BABAM2: variants seen among roughly 807,000 people sequenced by gnomAD.
The protein encoded by BABAM2 is BRISC and BRCA1-A complex member 2.
BABAM2 carries 31 observed loss-of-function variants against 54.7 expected under a neutral mutation model. That is an observed-to-expected ratio of 0.57 (90% CI 0.43 to 0.77). The LOEUF (loss-of-function observed/expected upper bound fraction) is 0.77. Ranked by LOEUF, BABAM2 falls within the 30% of genes least tolerant of loss-of-function variation. BABAM2 has a pLI of 0.00. For synonymous variants in BABAM2, 167 were observed against 162.9 expected, an observed-to-expected ratio of 1.03 and a Z score of -0.19; for missense variants, 364 against 455.8, an observed-to-expected ratio of 0.80 and a Z score of 1.83.
intron 11 of BABAM2, among the ~76,000 whole-genome samples, chr2:28,335,366 C>T (rs1197082357): frequency 1.3e-5 from 2 of 152,088 alleles, no homozygotes; most frequent in African/African-American, 4.8e-5. Flanking sequence ...GACGGGGTTT[C>T]GCCATGTTGG....
At chr2:28,267,727 G>C (rs1422746157) in intron 10 of BABAM2, among the ~76,000 whole-genome samples, 1 of 152,220 alleles carries the variant, frequency 6.6e-6, no homozygotes. Flanking sequence ...AGGGGCCATA[G>C]GGGTCAGGCC....
At chr2:28,066,473 C>T (rs578019282) in intron 6 of BABAM2, among the ~76,000 whole-genome samples, 6 of 152,138 alleles carry the variant, frequency 3.9e-5, no homozygotes, top group Admixed American at 6.5e-5. Flanking sequence ...CTGCATAATA[C>T]GTTACTCGAC....
chr2:28,325,729 C>T lies in BABAM2; in HGVS notation c.1089-12721C>T, dbSNP rs536456538. Among the ~76,000 whole-genome samples the T allele has an allele frequency of 2.4e-4, 36 of 152,196 alleles. No individual in the cohort carries two copies. Among genetic ancestry groups the T allele is most frequent in the Admixed American group, 3.9e-4 (6 of 15,284 alleles). ...TGCCCCTCCCCCACATCCTCAAACA[C>T]CCAGCCAGGGGGGTGAATGTCCCAG... On this transcript the variant is annotated intron_variant, in intron 11 of 11. Transcript: ENST00000379624. The surrounding 1 kb of genome is among the most constrained non-coding windows in gnomAD (Gnocchi z 4.3).
intron 3 of BABAM2, among the ~76,000 whole-genome samples, chr2:27,961,578 G>T (rs951408870): frequency 6.6e-6 from 1 of 152,092 alleles, no homozygotes; most frequent in African/African-American, 2.4e-5. Context: ...CTTATGATGG[G>T]CTTACTGGGA....
chr2:28,006,163 C>T (rs1439524186), intron 4 of BABAM2, among the ~76,000 whole-genome samples: 3 of 151,970 alleles, frequency 2.0e-5, no homozygotes, highest in African/African-American at 7.2e-5. Flanking sequence ...AAAATTACCA[C>T]AGACTAGATT....
At chr2:28,020,926 A>G (rs528428998) in intron 4 of BABAM2, among the ~76,000 whole-genome samples, 2 of 148,494 alleles carry the variant, frequency 1.3e-5, no homozygotes, top group Admixed American at 1.4e-4. Context: ...TTGAGAATAA[A>G]CATTTCTAAG....
chr2:28,164,194 T>A (rs1673395700), intron 7 of BABAM2, among the ~76,000 whole-genome samples: 1 of 152,172 alleles, frequency 6.6e-6, no homozygotes, highest in Non-Finnish European at 1.5e-5. Flanking sequence ...AATACAGTGT[T>A]GATGGAACCC....
At position 28,051,637 on chromosome 2, in the gene BABAM2, A is replaced by T. The variant is rs565242697; in HGVS notation, c.570+5838A>T. Among the ~76,000 whole-genome samples the T allele has an allele frequency of 4.6e-5, 7 of 152,010 alleles. No individual in the cohort carries two copies. The South Asian group carries it at 1.5e-3, about 32-fold the overall frequency. On this transcript the variant is annotated intron_variant, in intron 6 of 11. Transcript: ENST00000379624. ...AGAAGGACAACAGGAGCTCAGAGTCATAAAGGTCAAGGTGTGTTTTTTTTT... is the reference window on the plus strand; with the variant it reads ...AGAAGGACAACAGGAGCTCAGAGTCTTAAAGGTCAAGGTGTGTTTTTTTTT...
chr2:27,942,594 C>T (rs1359969226), intron 3 of BABAM2, among the ~76,000 whole-genome samples: 20 of 151,170 alleles, frequency 1.3e-4, no homozygotes, highest in African/African-American at 4.9e-4. Context: ...ATCTGAACTC[C>T]TGGGCTCAAG....
In BABAM2 at chr2:27,952,332, G is replaced by A. The variant is rs555344298; in HGVS notation, c.205+22424G>A. Among the ~76,000 whole-genome samples the A allele has an allele frequency of 2.6e-5, 4 of 152,262 alleles. No individual in the cohort carries two copies. In the East Asian group the frequency reaches 7.7e-4, roughly 29 times the overall value. On this transcript the variant is annotated intron_variant, in intron 3 of 11. Transcript: ENST00000379624. ...TGCTGGATTGATGAGTCTACATAGT[G>A]TCAAGAAATGCTTACATTTCTATTA...
intron 7 of BABAM2, among the ~76,000 whole-genome samples, chr2:28,188,980 C>T (rs944040857): frequency 2.6e-5 from 4 of 152,170 alleles, no homozygotes; most frequent in African/African-American, 9.7e-5. Context: ...GCGGGAGGAT[C>T]ACCTGAGGTC....
At chr2:28,192,517 C>CTTTTT (rs58587872) in intron 7 of BABAM2, among the ~76,000 whole-genome samples, 3 of 120,590 alleles carry the variant, frequency 2.5e-5, no homozygotes, top group East Asian at 2.8e-4. Flanking sequence ...GTTTATAGCT[C>CTTTTT]TTTTTTTTTT....
intron 8 of BABAM2, among the ~76,000 whole-genome samples, chr2:28,240,265 T>A (rs975690829): frequency 6.6e-6 from 1 of 151,772 alleles, no homozygotes; most frequent in Admixed American, 6.6e-5. Flanking sequence ...GGGCTATAGG[T>A]GCATATCACC....
chr2:28,333,249 A>G (rs748346589), intron 11 of BABAM2, among the ~76,000 whole-genome samples: 3 of 152,108 alleles, frequency 2.0e-5, no homozygotes, highest in Non-Finnish European at 2.9e-5. Context: ...CGCTGCAGTC[A>G]CTTGCCCTCA....
chr2:28,051,635 T>C (rs543446004), intron 6 of BABAM2, among the ~76,000 whole-genome samples: 2 of 150,330 alleles, frequency 1.3e-5, no homozygotes, highest in South Asian at 4.2e-4. Context: ...GAGCTCAGAG[T>C]CATAAAGGTC....
chr2:28,159,883 A>G (rs561525146), intron 7 of BABAM2, among the ~76,000 whole-genome samples: 122 of 136,692 alleles, frequency 8.9e-4, no homozygotes, highest in African/African-American at 1.9e-3. Flanking sequence ...CCCCGCCGGG[A>G]AAAAAAAAAA....
At chr2:28,026,836 AT>A (rs1675753812) in intron 5 of BABAM2, among the ~76,000 whole-genome samples, 1 of 60,520 alleles carries the variant, frequency 1.7e-5, no homozygotes, top group Admixed American at 2.6e-4. Context: ...ATATATAAAT[AT>A]ATATAAATAT....
Position 28,304,359 on chromosome 2 carries a change from T to G in BABAM2, c.1088+5868T>G, listed in dbSNP as rs1688343659. 6.6e-6 allele frequency among the ~76,000 whole-genome samples: 1 copy of G among 151,006 alleles called. No individual in the cohort carries two copies. The highest frequency in any genetic ancestry group is 1.5e-5 in the Non-Finnish European group (1 of 67,728). On this transcript the variant is annotated intron_variant, in intron 11 of 11. Coordinates refer to ENST00000379624, the MANE Select transcript of BABAM2 (RefSeq NM_199191.3). The surrounding 1 kb of genome is among the most constrained non-coding windows in gnomAD (Gnocchi z 4.0). ...GCATGAGCCACTGCATTCCACCTGTTTTTGCTTTTATTGTAAATTATATAA... is the reference window on the plus strand; with the variant it reads ...GCATGAGCCACTGCATTCCACCTGTGTTTGCTTTTATTGTAAATTATATAA...
intron 7 of BABAM2, among the ~76,000 whole-genome samples, chr2:28,162,503 T>C (rs929579724): frequency 2.0e-5 from 3 of 152,224 alleles, no homozygotes; most frequent in African/African-American, 7.2e-5. Flanking sequence ...ATGAGACTAC[T>C]GTCTGGCATA....
Sources: gnomAD v4.1 joint callset for allele counts (sites outside exome capture counted in the v4.1 genomes callset) on GRCh38, gnomAD v4.1.1 for gene constraint, Gnocchi (gnomAD v3.1) non-coding constraint, MANE v1.5 for transcripts, NCBI Gene and HGNC (gene_info 2026-07-23, HGNC 2026-07-21) for gene names.